The following WDR70 variants were observed in gnomAD, a reference collection of about 807,000 sequenced individuals.
The protein encoded by WDR70 is WD repeat domain 70, also known as WD repeat-containing protein 70.
WDR70 carries 53 observed loss-of-function variants against 88.6 expected under a neutral mutation model. That is an observed-to-expected ratio of 0.60 (90% CI 0.48 to 0.75). WDR70 has a LOEUF of 0.75. WDR70 is among the 30% of genes least tolerant of loss of function. WDR70 has a pLI of 0.00. For missense variants in WDR70, 610 were observed against 823.2 expected, an observed-to-expected ratio of 0.74 and a Z score of 3.17; for synonymous variants, 280 against 270.0, an observed-to-expected ratio of 1.04 and a Z score of -0.36.
At chr5:37,409,851 T>A (rs1749467872) in intron 5 of WDR70, among the ~76,000 whole-genome samples, 1 of 152,160 alleles carries the variant, frequency 6.6e-6, no homozygotes, top group Non-Finnish European at 1.5e-5. Flanking sequence ...ATTCACTCTT[T>A]CCCGTTATTT....
intron 13 of WDR70, among the ~76,000 whole-genome samples, chr5:37,707,820 A>G (rs1473043447): frequency 2.0e-5 from 3 of 149,010 alleles, no homozygotes; most frequent in African/African-American, 7.4e-5. Context: ...AGGCTGAGGC[A>G]GGAGAATAGC....
intron 5 of WDR70, among the ~76,000 whole-genome samples, chr5:37,415,408 G>C (rs1749678567): frequency 9.8e-6 from 1 of 102,052 alleles, no homozygotes; most frequent in African/African-American, 2.7e-5. Context: ...GCCGGGCGGG[G>C]GGCTGACCCC....
intron 10 of WDR70, among the ~76,000 whole-genome samples, chr5:37,607,197 C>T (rs1744056068): frequency 6.6e-6 from 1 of 151,714 alleles, no homozygotes; most frequent in Non-Finnish European, 1.5e-5. Context: ...CCACCTTGGC[C>T]TCCCAAAATG....
At chr5:37,381,565 C>A (rs371278298) in intron 2 of WDR70, 37 bp from the exon 3 acceptor site, 8 of 1,590,870 alleles carry the variant, frequency 5.0e-6, no homozygotes, top group Non-Finnish European at 6.9e-6. Flanking sequence ...CAACTTACTG[C>A]AAGACAATCA....
At chr5:37,587,713 G>A (rs1033362539) in intron 9 of WDR70, among the ~76,000 whole-genome samples, 4 of 151,698 alleles carry the variant, frequency 2.6e-5, no homozygotes, top group African/African-American at 9.7e-5. Flanking sequence ...GTAGTCCTAT[G>A]GCTTATACTT....
At chr5:37,421,093 A>C (rs1242173264) in intron 5 of WDR70, among the ~76,000 whole-genome samples, 1 of 152,088 alleles carries the variant, frequency 6.6e-6, no homozygotes, top group Admixed American at 6.6e-5. Context: ...TCCCCTTTCG[A>C]CAGGTGAGGA....
At chr5:37,537,134 T>C (rs1037758366) in intron 9 of WDR70, among the ~76,000 whole-genome samples, 2 of 152,024 alleles carry the variant, frequency 1.3e-5, no homozygotes, top group African/African-American at 4.8e-5. Flanking sequence ...TTCTCAGATA[T>C]TTTTTGGAAA....
rs536305472 is a variant in WDR70, at chr5:37,542,367, C to T, written c.917+25777C>T. 2.6e-5 allele frequency among the ~76,000 whole-genome samples: 4 copies of T among 151,656 alleles called. No individual in the cohort carries two copies. The East Asian group carries it at 7.8e-4, about 29-fold the overall frequency. On this transcript the variant is annotated intron_variant, in intron 9 of 17. Coordinates refer to ENST00000265107, the MANE Select transcript of WDR70 (RefSeq NM_018034.4). The stretch of plus-strand genomic sequence containing the variant: ...TGATCTCGGCTCACTGCAACCTCCA[C>T]CTCCCGGGTTCAAGCAGTTCTCCTG...
At chr5:37,546,390 A>G (rs1047648020) in intron 9 of WDR70, among the ~76,000 whole-genome samples, 1 of 152,206 alleles carries the variant, frequency 6.6e-6, no homozygotes, top group African/African-American at 2.4e-5. Flanking sequence ...AAAGTTTGAT[A>G]AAGTTCAAGT....
intron 8 of WDR70, among the ~76,000 whole-genome samples, chr5:37,509,023 A>T (rs2112238088): frequency 6.6e-6 from 1 of 152,248 alleles, no homozygotes; most frequent in Admixed American, 6.5e-5. Context: ...TGTGCATAAG[A>T]TTATTATAAT....
rs546392686 is a variant in WDR70, at chr5:37,435,748, C to T, written c.493-2174C>T. Among the ~76,000 whole-genome samples the T allele has an allele frequency of 2.0e-5, 3 of 152,232 alleles. No individual in the cohort carries two copies. In the South Asian group the frequency reaches 6.2e-4, roughly 32 times the overall value. ...ACCAGGCTGGCCTGATGTGATAGCA[C>T]CTGCTTTTCTTTATGGACATGATCA... On this transcript the variant is annotated intron_variant, in intron 5 of 17. Transcript: ENST00000265107.
intron 7 of WDR70, among the ~76,000 whole-genome samples, chr5:37,461,435 T>G (rs752532727): frequency 9.9e-5 from 15 of 152,046 alleles, no homozygotes; most frequent in Non-Finnish European, 2.1e-4. Context: ...CTTGTGTGTG[T>G]GTTGGGGAGT....
At chr5:37,656,177 T>C (rs1405059990) in intron 10 of WDR70, among the ~76,000 whole-genome samples, 5 of 152,194 alleles carry the variant, frequency 3.3e-5, no homozygotes, top group African/African-American at 1.2e-4. Flanking sequence ...GTTTGTTAGT[T>C]TTCCTTTGAA....
intron 10 of WDR70, chr5:37,688,057 A>G (rs866775211): frequency 4.0e-5 from 22 of 555,796 alleles, no homozygotes; most frequent in Middle Eastern, 3.6e-4. Flanking sequence ...ACACATCTAT[A>G]TGCATGTGTT....
chr5:37,738,662 A>C (rs1241411178), intron 17 of WDR70, among the ~76,000 whole-genome samples: 1 of 152,154 alleles, frequency 6.6e-6, no homozygotes, highest in Admixed American at 6.5e-5. Context: ...CTCTACACAA[A>C]ATTCCTCTGG....
chr5:37,401,562 C>T (rs1027239038), intron 5 of WDR70, among the ~76,000 whole-genome samples: 2 of 152,024 alleles, frequency 1.3e-5, no homozygotes, highest in Admixed American at 6.6e-5. Context: ...GGTAATCCAC[C>T]TACCTTGGCC....
At chr5:37,398,114 A>C (rs1466785946) in intron 5 of WDR70, among the ~76,000 whole-genome samples, 5 of 69,292 alleles carry the variant, frequency 7.2e-5, no homozygotes, top group African/African-American at 2.9e-4. Context: ...TTGAGACGGG[A>C]GTCTCACTCT....
At chr5:37,573,531 T>TC (rs1742971471) in intron 9 of WDR70, among the ~76,000 whole-genome samples, 2 of 44,690 alleles carry the variant, frequency 4.5e-5, no homozygotes, top group African/African-American at 1.8e-4. Context: ...CCCTCCCCCC[T>TC]CCCCCCACCC....
intron 6 of WDR70, 100 bp downstream of exon 6, chr5:37,438,081 C>A: frequency 1.1e-6 from 1 of 930,096 alleles, no homozygotes; most frequent in South Asian, 1.9e-5. Flanking sequence ...ATTATACAAT[C>A]AACTGATGAC....
Sources: gnomAD v4.1 joint callset for allele counts (sites outside exome capture counted in the v4.1 genomes callset) on GRCh38, gnomAD v4.1.1 for gene constraint, MANE v1.5 for transcripts, NCBI Gene and HGNC (gene_info 2026-07-23, HGNC 2026-07-21) for gene names.